The following GDA variants were observed in gnomAD, a reference collection of about 807,000 sequenced individuals.
The protein encoded by GDA is cytoplasmic PSD-95 interactor.
Under a neutral mutation model 59.6 loss-of-function variants are expected in GDA, and 18 were observed. The observed-to-expected ratio is 0.30, with a 90% CI of 0.21 to 0.45. GDA has a LOEUF of 0.45. Among genes scored for constraint, GDA ranks in the 20% least tolerant of loss-of-function variants. The probability of loss-of-function intolerance (pLI) is 1.00; values close to 1 mark genes in which losing one functional copy is unlikely to be tolerated. For synonymous variants in GDA, 201 were observed against 201.1 expected (o/e 1.00, Z 0.00); for missense variants, 427 against 552.3 (o/e 0.77, Z 2.27).
At chr9:72,180,638 A>G (rs189082620) in intron 1 of GDA, among the ~76,000 whole-genome samples, 1 of 152,348 alleles carries the variant, frequency 6.6e-6, no homozygotes, top group African/African-American at 2.4e-5. Context: ...TTCAGGATTC[A>G]AATGTGTCAT....
At chr9:72,253,691 T>G (rs907636701), downstream of GDA, 2 of 152,172 alleles carry the variant, frequency 1.3e-5, no homozygotes, top group Admixed American at 6.6e-5. Context: ...TAAAGATCAA[T>G]TTAGTATAAA....
At chr9:72,174,473 A>G (rs1830329517) in intron 1 of GDA, among the ~76,000 whole-genome samples, 1 of 152,182 alleles carries the variant, frequency 6.6e-6, no homozygotes, top group South Asian at 2.1e-4. Context: ...ACAGGTGCAG[A>G]AAGTTTAAGT....
chr9:72,182,065 T>C (rs1458794653), intron 1 of GDA, among the ~76,000 whole-genome samples: 2 of 152,126 alleles, frequency 1.3e-5, no homozygotes, highest in Non-Finnish European at 2.9e-5. Context: ...GAGTAAGTTA[T>C]AGACATGCTG....
rs1184314201 is a variant in GDA, at chr9:72,202,719, G to C, written c.361G>C (p.Glu121Gln). The C allele has an allele frequency of 6.2e-7, 1 of 1,613,382 alleles. No individual in the cohort carries two copies. Among genetic ancestry groups the C allele is most frequent in the Non-Finnish European group, 8.5e-7 (1 of 1,179,754 alleles). Residue 121 changes from glutamate (E) to glutamine (Q), a missense_variant, in exon 3 of 14, where the codon GAA becomes CAA. Glu to Gln is a conservative substitution (Grantham distance 29). Transcript: ENST00000358399. ...CAGATTCCAGAACATCGACTTTGCA[G>C]AAGAAGTATATACCAGAGTTGTCGT... ...EHRFQNIDFA[E>Q]EVYTRVVRRT...
intron 6 of GDA, 29 bp downstream of exon 6, chr9:72,219,535 T>C: frequency 6.4e-7 from 1 of 1,553,828 alleles, no homozygotes; most frequent in Non-Finnish European, 8.8e-7. Flanking sequence ...AGCTCGCTTT[T>C]AGATTGCCTT....
intron 2 of GDA, 115 bp from the exon 3 acceptor site, chr9:72,202,456 C>T (rs370765253): frequency 3.0e-6 from 2 of 670,732 alleles, no homozygotes; most frequent in Admixed American, 2.7e-5. Context: ...ATTGCATTAC[C>T]TATAAACCTG....
At chr9:72,181,470 G>A (rs535103403) in intron 1 of GDA, among the ~76,000 whole-genome samples, 4 of 152,124 alleles carry the variant, frequency 2.6e-5, no homozygotes, top group East Asian at 1.9e-4. Context: ...GATTACAAGC[G>A]CCCGCCACCA....
intron 8 of GDA, among the ~76,000 whole-genome samples, 155 bp downstream of exon 8, chr9:72,225,939 AT>A (rs1248520397): frequency 2.0e-5 from 3 of 152,038 alleles, no homozygotes; most frequent in African/African-American, 7.2e-5. Flanking sequence ...GAAAGTTTAT[AT>A]ATCTATGGGG....
At chr9:72,234,829 T>A (rs1325332662) in intron 10 of GDA, among the ~76,000 whole-genome samples, 1 of 152,178 alleles carries the variant, frequency 6.6e-6, no homozygotes, top group Non-Finnish European at 1.5e-5. Flanking sequence ...CCAGTTTGCT[T>A]TCAGATGTTT....
At chr9:72,190,130 G>GTTTT (rs1447325325) in intron 1 of GDA, among the ~76,000 whole-genome samples, 1 of 151,898 alleles carries the variant, frequency 6.6e-6, no homozygotes, top group African/African-American at 2.4e-5. Context: ...TTGTTTGTTT[G>GTTTT]TTTTTGTTTT....
chr9:72,139,939 A>G (rs1275953924), intron 1 of GDA, among the ~76,000 whole-genome samples: 1 of 152,158 alleles, frequency 6.6e-6, no homozygotes, highest in Admixed American at 6.5e-5. Context: ...CTTTTAATCA[A>G]AAGCCTGTAC....
chr9:72,241,548 G>C (rs1430212012), intron 11 of GDA, among the ~76,000 whole-genome samples: 1 of 152,026 alleles, frequency 6.6e-6, no homozygotes, highest in Admixed American at 6.6e-5. Context: ...TGTTTTAATG[G>C]GTATTACATT....
intron 4 of GDA, 37 bp downstream of exon 4, chr9:72,210,811 C>A: frequency 8.0e-7 from 1 of 1,246,562 alleles, no homozygotes; most frequent in Non-Finnish European, 1.2e-6. Flanking sequence ...GCACCTCAAG[C>A]AAAGACAGCC....
intron 1 of GDA, among the ~76,000 whole-genome samples, chr9:72,131,936 A>G (rs941227053): frequency 2.6e-5 from 4 of 152,224 alleles, no homozygotes; most frequent in Admixed American, 6.5e-5. Context: ...AGGCTTCACA[A>G]TCATGACGGA....
At chr9:72,194,912 C>T (rs545639207) in intron 1 of GDA, among the ~76,000 whole-genome samples, 24 of 152,326 alleles carry the variant, frequency 1.6e-4, no homozygotes, top group African/African-American at 5.5e-4. Flanking sequence ...TATAACAGAA[C>T]AGCACTGAGT....
chr9:72,138,995 C>T (rs1326185848), intron 1 of GDA, among the ~76,000 whole-genome samples: 1 of 152,104 alleles, frequency 6.6e-6, no homozygotes, highest in Admixed American at 6.6e-5. Flanking sequence ...TGTATCTTTC[C>T]ATGCATTTCG....
At chr9:72,245,464 C>T (rs138385762) in intron 12 of GDA, among the ~76,000 whole-genome samples, 186 bp downstream of exon 12, 2 of 152,182 alleles carry the variant, frequency 1.3e-5, no homozygotes, top group East Asian at 3.9e-4. Context: ...ATGGTGTTAA[C>T]AAAACTTTTA....
intron 1 of GDA, among the ~76,000 whole-genome samples, chr9:72,134,082 T>C (rs1826134906): frequency 6.6e-6 from 1 of 152,028 alleles, no homozygotes; most frequent in African/African-American, 2.4e-5. Context: ...AATAAGTGAA[T>C]TAGTGGAGGG....
intron 1 of GDA, among the ~76,000 whole-genome samples, chr9:72,160,592 A>G (rs1046373795): frequency 6.6e-6 from 1 of 152,202 alleles, no homozygotes; most frequent in Non-Finnish European, 1.5e-5. Context: ...ATAATAGTCC[A>G]TTGTGTAGAT....
Sources: gnomAD v4.1 joint callset for allele counts (sites outside exome capture counted in the v4.1 genomes callset) on GRCh38, gnomAD v4.1.1 for gene constraint, MANE v1.5 for transcripts, NCBI Gene and HGNC (gene_info 2026-07-23, HGNC 2026-07-21) for gene names.